Variants in ASPRV1 observed in about 807,000 individuals in gnomAD.
ASPRV1 encodes retroviral-like aspartic protease 1.
Under a neutral mutation model 11.0 loss-of-function variants are expected in ASPRV1, and 7 were observed. That is an observed-to-expected ratio of 0.64 (90% confidence interval 0.36 to 1.20). The LOEUF (loss-of-function observed/expected upper bound fraction) is 1.20, where lower values mean the gene tolerates loss of function less well. Among genes scored for constraint, ASPRV1 ranks in the 50% most tolerant of loss-of-function variants. The pLI, the probability that ASPRV1 is intolerant of heterozygous loss-of-function variation, is 0.02. For missense variants in ASPRV1, 299 were observed against 320.0 expected (o/e 0.93, Z 0.50); for synonymous variants, 136 against 138.4 (o/e 0.98, Z 0.12).
At chr2:70,000,788 CAAAAAAAAAAAAAAAAAAA>C in the ASPRV1 span, among the ~76,000 whole-genome samples, 1 of 42,038 alleles carries the variant, frequency 2.4e-5, no homozygotes. Context: ...GACCCTGCCT[CAAAAAAAAAAAAAAAAAAA>C]AAAAAAAAAA....
chr2:70,022,127 G>A, the ASPRV1 span, among the ~76,000 whole-genome samples: 13 of 151,632 alleles, frequency 8.6e-5, no homozygotes, highest in East Asian at 7.8e-4. Flanking sequence ...CCGTTCTCCC[G>A]CCTCAGCCTC....
the ASPRV1 span, chr2:69,975,418 T>A: frequency 7.9e-5 from 12 of 152,524 alleles, no homozygotes; most frequent in Admixed American, 5.2e-4. Flanking sequence ...GTGCTGCTCC[T>A]CCCCCGAGAA....
the ASPRV1 span, among the ~76,000 whole-genome samples, chr2:69,950,269 A>G: frequency 2.0e-5 from 3 of 152,208 alleles, no homozygotes; most frequent in East Asian, 5.8e-4. Flanking sequence ...CACCCTTTTT[A>G]GCCCTGAAGG....
At chr2:70,029,290 A>G in the ASPRV1 span, among the ~76,000 whole-genome samples, 1 of 152,154 alleles carries the variant, frequency 6.6e-6, no homozygotes, top group Admixed American at 6.5e-5. Flanking sequence ...CCTGACTACC[A>G]TTCCAGCAAG....
At chr2:69,970,403 C>T in the ASPRV1 span, among the ~76,000 whole-genome samples, 9 of 152,172 alleles carry the variant, frequency 5.9e-5, no homozygotes, top group Non-Finnish European at 8.8e-5. Flanking sequence ...ACAAGACTCA[C>T]GAAGTCCCCC....
the ASPRV1 span, among the ~76,000 whole-genome samples, chr2:70,074,833 G>A: frequency 0.015 from 2,254 of 151,330 alleles, 64 homozygotes; most frequent in African/African-American, 0.052. Context: ...GCATGAACTC[G>A]GGGCCAGGCG....
chr2:70,042,853 A>G, the ASPRV1 span, among the ~76,000 whole-genome samples: 2 of 152,174 alleles, frequency 1.3e-5, no homozygotes, highest in East Asian at 1.9e-4. Context: ...AATGTGTCCA[A>G]AAAAATTAGC....
chr2:70,048,276 G>C, the ASPRV1 span, among the ~76,000 whole-genome samples: 2 of 151,124 alleles, frequency 1.3e-5, no homozygotes, highest in African/African-American at 4.9e-5. Context: ...TTAGCCGGGC[G>C]TGGTGGCAGG....
chr2:69,983,132 C>G, the ASPRV1 span, among the ~76,000 whole-genome samples: 1 of 152,074 alleles, frequency 6.6e-6, no homozygotes, highest in Admixed American at 6.6e-5. Flanking sequence ...TTGGCCAGGT[C>G]GGTCTTGAAC....
the ASPRV1 span, chr2:70,046,323 A>C: frequency 6.6e-6 from 1 of 152,202 alleles, no homozygotes; most frequent in African/African-American, 2.4e-5. Context: ...TTCTAGCATC[A>C]CGCCTTTCTT....
In ASPRV1 at chr2:69,961,552, A is replaced by C; in HGVS notation, c.-116T>G. ...GGCCTCTCGAAGCAGAGTGGGGATG[A>C]CTTGCCCGGCCTTGGGCAAGCAGGA... On this transcript the variant is annotated 5_prime_UTR_variant, in exon 1 of 1. Transcript: ENST00000320256. The C allele has an allele frequency of 6.2e-7, 1 of 1,614,058 alleles. No homozygotes were observed. Among genetic ancestry groups the C allele is most frequent in the Non-Finnish European group, 8.5e-7 (1 of 1,179,994 alleles).
the ASPRV1 span, among the ~76,000 whole-genome samples, chr2:70,012,551 G>A: frequency 6.6e-6 from 1 of 152,110 alleles, no homozygotes; most frequent in African/African-American, 2.4e-5. Context: ...AGTATTTGGT[G>A]CCTTCTAGAG....
At chr2:69,988,629 T>C in the ASPRV1 span, 1 of 366,668 alleles carries the variant, frequency 2.7e-6, no homozygotes, top group African/African-American at 2.1e-5. Context: ...ATATTGTAAA[T>C]ATACTTAATG....
At chr2:70,033,346 C>T in the ASPRV1 span, among the ~76,000 whole-genome samples, 4 of 151,676 alleles carry the variant, frequency 2.6e-5, no homozygotes, top group South Asian at 6.2e-4. Context: ...ACTGTGTGCC[C>T]ATCAGACTTT....
the ASPRV1 span, among the ~76,000 whole-genome samples, chr2:70,064,716 AGTTGTTTTACTATTC>A: frequency 1.3e-5 from 2 of 152,180 alleles, no homozygotes; most frequent in Non-Finnish European, 2.9e-5. Flanking sequence ...GGACAAAGAA[AGTTGTTTTACTATTC>A]ACTTCACAAG....
At chr2:69,993,129 C>G in the ASPRV1 span, among the ~76,000 whole-genome samples, 1 of 152,322 alleles carries the variant, frequency 6.6e-6, no homozygotes, top group Middle Eastern at 3.4e-3. Context: ...ACCAAAGAAA[C>G]AGAGACCCGG....
the ASPRV1 span, among the ~76,000 whole-genome samples, chr2:69,992,298 G>T: frequency 6.6e-6 from 1 of 152,200 alleles, no homozygotes; most frequent in African/African-American, 2.4e-5. Context: ...GCTCCAAACA[G>T]ACCAATAAGG....
the ASPRV1 span, among the ~76,000 whole-genome samples, chr2:69,950,852 T>C: frequency 4.0e-5 from 4 of 99,132 alleles, no homozygotes; most frequent in African/African-American, 2.1e-4. Context: ...CAAAAATAAA[T>C]AAATAAATAA....
chr2:70,045,521 C>T, the ASPRV1 span: 2 of 152,172 alleles, frequency 1.3e-5, no homozygotes, highest in African/African-American at 2.4e-5. Flanking sequence ...CTTTCCTAAA[C>T]CCTACTGAAG....
Sources: allele counts gnomAD v4.1 joint callset (sites outside exome capture counted in the v4.1 genomes callset), GRCh38; gene constraint gnomAD v4.1.1; transcripts MANE v1.5; gene names NCBI Gene and HGNC (gene_info 2026-07-23, HGNC 2026-07-21).